Variants in THPO observed in about 807,000 individuals in gnomAD.
THPO encodes thrombopoietin, also known as MPL ligand.
THPO carries 12 observed loss-of-function variants against 17.0 expected under a neutral mutation model. That is an observed-to-expected ratio of 0.71 (90% CI 0.45 to 1.14). The LOEUF is 1.14. THPO is among the 50% of genes most tolerant of loss of function. THPO has a pLI of 0.00. For synonymous variants in THPO, 188 were observed against 183.0 expected, an observed-to-expected ratio of 1.03 and a Z score of -0.22; for missense variants, 365 against 427.5, an observed-to-expected ratio of 0.85 and a Z score of 1.29.
In THPO at chr3:184,372,631, G is replaced by A. The variant is rs562029329; in HGVS notation, c.944C>T (p.Thr315Ile). The change falls in exon 6 of 6, where the codon ACC (threonine) becomes ATC (isoleucine). Residue 315 changes from threonine (T) to isoleucine (I), a missense_variant. Coordinates refer to ENST00000647395, the MANE Select transcript of THPO (RefSeq NM_000460.4). ...TLFPLPPTLP[T>I]PVVQLHPLLP... ...CAGGGGGTGGAGCTGGACCACAGGG[G>A]TGGGCAAGGTGGGTGGAAGAGGGAA... 6.2e-7 allele frequency: 1 copy of A among 1,613,320 alleles called. No homozygotes were observed. The highest frequency in any genetic ancestry group is 8.5e-7 in the Non-Finnish European group (1 of 1,179,458).
intron 1 of THPO, among the ~76,000 whole-genome samples, chr3:184,377,203 A>G (rs1385716785): frequency 1.3e-5 from 2 of 152,154 alleles, no homozygotes; most frequent in Non-Finnish European, 2.9e-5. Flanking sequence ...GGGGAACTGC[A>G]CAAAGCTGTA....
intron 3 of THPO, 85 bp from the exon 4 acceptor site, chr3:184,375,686 G>C: frequency 6.7e-7 from 1 of 1,498,166 alleles, no homozygotes; most frequent in Non-Finnish European, 9.3e-7. Context: ...TCCTCCATGA[G>C]TACTATCTCT....
Position 184,376,022 on chromosome 3 carries a change from T to C in THPO, c.14-7A>G, listed in dbSNP as rs1560285998. On this transcript the variant is annotated splice_polypyrimidine_tract_variant and splice_region_variant and intron_variant, in intron 2 of 5. Coordinates refer to ENST00000647395, the MANE Select transcript of THPO (RefSeq NM_000460.4). ...ATGACCACGAGGAGCAATTCTTAGA[T>C]GAGGAGAGGTGAGGTTGAAAGATGA... 1 of 1,613,896 alleles carries C rather than the reference T, an allele frequency of 6.2e-7. No homozygotes were observed. Among genetic ancestry groups the C allele is most frequent in the Admixed American group, 1.7e-5 (1 of 59,996 alleles).
At chr3:184,378,433 G>T (rs148110896), upstream of THPO, 80 of 977,370 alleles carry the variant, frequency 8.2e-5, no homozygotes, top group East Asian at 3.3e-3. Flanking sequence ...CAGGACATTT[G>T]TGTTGCTGGG....
At chr3:184,373,623 G>T (rs745314605) in intron 4 of THPO, 41 bp from the exon 5 acceptor site, 3 of 1,609,994 alleles carry the variant, frequency 1.9e-6, no homozygotes, top group Non-Finnish European at 2.5e-6. Flanking sequence ...TGCCTCAAAG[G>T]GCACACTAAA....
Position 184,374,441 on chromosome 3 carries a change from C to T in THPO, c.229-859G>A, listed in dbSNP as rs549555938. The stretch of plus-strand genomic sequence containing the variant: ...TGCTTCTAGTCTCTTTCTGTTCAGG[C>T]TGCTGCTTTCTAGACACATGTTAGT... On this transcript the variant is annotated intron_variant, in intron 4 of 5. Transcript: ENST00000647395. Among the ~76,000 whole-genome samples, 3 of 152,284 alleles carry T rather than the reference C, an allele frequency of 2.0e-5. No individual in the cohort carries two copies. The South Asian group carries it at 6.2e-4, about 32-fold the overall frequency.
In THPO at chr3:184,372,104, G is replaced by A. The variant is rs1471687193; in HGVS notation, c.*409C>T. ...CACTGAGAATGATAGTAAAGGGGAT[G>A]GGGGCGTTGGAAGGCCTTGAATTTG... On this transcript the variant is annotated 3_prime_UTR_variant, in exon 6 of 6. Coordinates refer to ENST00000647395, the MANE Select transcript of THPO (RefSeq NM_000460.4). 1 of 225,038 alleles carries A rather than the reference G, an allele frequency of 4.4e-6. No homozygotes were observed. Among genetic ancestry groups the A allele is most frequent in the South Asian group, 7.3e-5 (1 of 13,660 alleles). The allele number at this position is 225,038 out of a possible 1,614,324, so 13.9% of individuals were successfully genotyped here. A position where few individuals can be genotyped will look rare whatever the true frequency, so the allele number is the denominator to read the frequency against.
At chr3:184,373,211 C>T (rs1404297601) in intron 5 of THPO, 33 bp from the exon 6 acceptor site, 1 of 1,606,638 alleles carries the variant, frequency 6.2e-7, no homozygotes, top group Non-Finnish European at 8.5e-7. Context: ...AGGCCAAACA[C>T]CAGGGCCAGA....
In THPO at chr3:184,372,858, G is replaced by A. The variant is rs775585825; in HGVS notation, c.717C>T (p.Ser239=). The A allele has an allele frequency of 1.9e-6, 3 of 1,614,144 alleles. No individual in the cohort carries two copies. The highest frequency in any genetic ancestry group is 1.7e-5 in the Admixed American group (1 of 60,018). Residue 239 remains serine, a synonymous_variant, in exon 6 of 6, where the codon TCC becomes TCT. Coordinates refer to ENST00000647395, the MANE Select transcript of THPO (RefSeq NM_000460.4). ...IPGLLNQTSR[S]LDQIPGYLNR... ...TCAGGTATCCGGGGATTTGGTCCAGGGACCTGGAGGTTTGGTTCAGCAGAC... is the reference window on the plus strand; with the variant it reads ...TCAGGTATCCGGGGATTTGGTCCAGAGACCTGGAGGTTTGGTTCAGCAGAC...
At position 184,373,001 on chromosome 3, in the gene THPO, G is replaced by T; in HGVS notation, c.574C>A (p.Leu192Met). ...GAAGTCCTGTTTGGGAGCTCGTTCA[G>T]TGTGAGGACTAGAGAGGTTCTGCTG... The part of the protein sequence containing the change: ...VPSRTSLVLT[L>M]NELPNRTSGL... Residue 192 changes from leucine (L) to methionine (M), a missense_variant, in exon 6 of 6, where the codon CTG becomes ATG. By Grantham distance (15) the Leu-to-Met change is conservative. Transcript: ENST00000647395. 1 of 1,614,162 alleles carries T rather than the reference G, an allele frequency of 6.2e-7. No individual in the cohort carries two copies. Among genetic ancestry groups the T allele is most frequent in the Non-Finnish European group, 8.5e-7 (1 of 1,180,042 alleles).
At position 184,372,964 on chromosome 3, in the gene THPO, T is replaced by TC. The variant is rs776536238; in HGVS notation, c.610dup (p.Glu204GlyfsTer123). ...TCTGGCTGAGGCAGTGAAGTTTGTC[T>TC]CCAACAATCCAGAAGTCCTGTTTGG... On this transcript the variant is annotated frameshift_variant, in exon 6 of 6. Coordinates refer to ENST00000647395, the MANE Select transcript of THPO (RefSeq NM_000460.4). LOFTEE classifies it low-confidence loss of function (END_TRUNC). 6.2e-6 allele frequency: 10 copies of TC among 1,614,030 alleles called. No homozygotes were observed. Among genetic ancestry groups the TC allele is most frequent in the African/African-American group, 2.7e-5 (2 of 74,904 alleles).
chr3:184,378,612 C>T (rs1340155254), upstream of THPO, among the ~76,000 whole-genome samples: 4 of 152,290 alleles, frequency 2.6e-5, no homozygotes, highest in African/African-American at 7.2e-5. Context: ...TTCCCCCTTT[C>T]GAAGTGGGAA....
rs754449856 is a variant in THPO at position 184,375,969 on chromosome 3, C to T, written c.60G>A (p.Leu20=). ...VMLLLTARLT[L]SSPAPPACDL... is the part of the protein sequence containing the mutation. ...CACAAGCAGGAGGAGCCGGGCTGGACAGCGTTAGCCTTGCAGTTAGGAGAA... is the reference window on the plus strand; with the variant it reads ...CACAAGCAGGAGGAGCCGGGCTGGATAGCGTTAGCCTTGCAGTTAGGAGAA... Residue 20 remains leucine, a synonymous_variant, in exon 3 of 6, where the codon CTG becomes CTA. Coordinates refer to ENST00000647395, the MANE Select transcript of THPO (RefSeq NM_000460.4). The T allele has an allele frequency of 6.8e-5, 109 of 1,613,780 alleles. No individual in the cohort carries two copies. The highest frequency in any genetic ancestry group is 9.0e-5 in the Non-Finnish European group (106 of 1,179,972).
chr3:184,376,983 G>A (rs1265506948), intron 1 of THPO, among the ~76,000 whole-genome samples: 1 of 152,200 alleles, frequency 6.6e-6, no homozygotes, highest in Non-Finnish European at 1.5e-5. Flanking sequence ...GACATGATAT[G>A]TATACACACA....
In THPO at chr3:184,373,515, C is replaced by T. The variant is rs372259684; in HGVS notation, c.296G>A (p.Arg99Gln). The T allele has an allele frequency of 4.6e-5, 74 of 1,613,996 alleles. No homozygotes were observed. Among genetic ancestry groups the T allele is most frequent in the East Asian group, 1.1e-4 (5 of 44,884 alleles). ...GAGGCAAGTGGGTCCCAGTTGTCCC[C>T]GTGCTGCCATCACTCCCTCCAGCAG... Reference protein sequence around the residue: ...TLLLEGVMAARGQLGPTCLSS... With the variant: ...TLLLEGVMAAQGQLGPTCLSS... Residue 99 changes from arginine (R) to glutamine (Q), a missense_variant, in exon 5 of 6, where the codon CGG (arginine) becomes CAG (glutamine). By Grantham distance (43) the Arg-to-Gln change is conservative. Coordinates refer to ENST00000647395, the MANE Select transcript of THPO (RefSeq NM_000460.4).
At chr3:184,378,760 A>C, upstream of THPO, 1 of 976,964 alleles carries the variant, frequency 1.0e-6, no homozygotes, top group Non-Finnish European at 1.2e-6. Context: ...GCCTGAGCTT[A>C]GGTGCTCGTC....
At chr3:184,375,855 G>T in intron 3 of THPO, 33 bp downstream of exon 3, 1 of 1,612,118 alleles carries the variant, frequency 6.2e-7, no homozygotes, top group Non-Finnish European at 8.5e-7. Context: ...TACCAGTTAC[G>T]CGGATAAAGG....
At chr3:184,375,752 T>A in intron 3 of THPO, 136 bp downstream of exon 3, 3 of 1,483,566 alleles carry the variant, frequency 2.0e-6, no homozygotes, top group Non-Finnish European at 2.8e-6. Flanking sequence ...TGTCAGAGAG[T>A]GTGATCAGTA....
At chr3:184,376,615 C>T (rs1714421041) in intron 1 of THPO, among the ~76,000 whole-genome samples, 3 of 152,110 alleles carry the variant, frequency 2.0e-5, no homozygotes, top group South Asian at 4.1e-4. Context: ...GAGTCCAAGG[C>T]GGGTGGATCA....
Sources: allele counts gnomAD v4.1 joint callset (sites outside exome capture counted in the v4.1 genomes callset), GRCh38; gene constraint gnomAD v4.1.1; transcripts MANE v1.5; gene names NCBI Gene and HGNC (gene_info 2026-07-23, HGNC 2026-07-21).